The following PCDHA4 variants were observed in gnomAD, a reference collection of about 807,000 sequenced individuals.
PCDHA4 encodes the protein protocadherin alpha-4.
A neutral mutation model predicts 61.4 loss-of-function variants in PCDHA4; 49 were observed. That is an observed-to-expected ratio of 0.80 (90% CI 0.63 to 1.01). The LOEUF (loss-of-function observed/expected upper bound fraction) is 1.01. PCDHA4 is among the 50% of genes least tolerant of loss of function. The pLI is 0.00. For missense variants in PCDHA4, 1,254 were observed against 1,235.8 expected, an observed-to-expected ratio of 1.01 and a Z score of -0.22; for synonymous variants, 590 against 550.3, an observed-to-expected ratio of 1.07 and a Z score of -1.01.
intron 1 of PCDHA4, chr5:140,823,840 G>A (rs17844298): frequency 3.1e-6 from 5 of 1,613,722 alleles, no homozygotes; most frequent in South Asian, 2.2e-5. Flanking sequence ...TGTGGGTCCC[G>A]AGGCTGCCCT....
chr5:140,822,298 G>A (rs782270445), intron 1 of PCDHA4: 4 of 1,614,222 alleles, frequency 2.5e-6, no homozygotes, highest in Non-Finnish European at 3.4e-6. Flanking sequence ...AAATCCAAAC[G>A]AATATTTTGA....
chr5:140,870,358 G>A (rs201159213), intron 1 of PCDHA4: 4 of 1,614,098 alleles, frequency 2.5e-6, no homozygotes, highest in Non-Finnish European at 3.4e-6. Context: ...GAACGTGTGG[G>A]CCTATGAACT....
intron 1 of PCDHA4, chr5:140,854,630 AG>A (rs1201731604): frequency 6.7e-6 from 1 of 150,240 alleles, no homozygotes; most frequent in African/African-American, 2.4e-5. Flanking sequence ...TCTTTAGAAA[AG>A]TCAAAACATC....
chr5:140,926,842 G>A (rs1388239431), intron 1 of PCDHA4: 1 of 1,514,684 alleles, frequency 6.6e-7, no homozygotes, highest in Non-Finnish European at 8.8e-7. Flanking sequence ...GCATGGTCCT[G>A]GGTCACCGTT....
intron 1 of PCDHA4, chr5:140,929,668 A>G (rs1554207270): frequency 3.1e-6 from 1 of 324,518 alleles, no homozygotes; most frequent in East Asian, 5.3e-5. Flanking sequence ...AAAGTGAAGA[A>G]TGAAAAATAT....
intron 1 of PCDHA4, chr5:140,850,293 G>C (rs2150478191): frequency 6.3e-7 from 1 of 1,596,282 alleles, no homozygotes; most frequent in Non-Finnish European, 8.6e-7. Flanking sequence ...AGTGGACGCC[G>C]ACTCGGGCTA....
chr5:140,852,043 A>G, intron 1 of PCDHA4: 1 of 921,642 alleles, frequency 1.1e-6, no homozygotes, highest in Non-Finnish European at 1.3e-6. Flanking sequence ...AGTTTTTGTT[A>G]TGTGGTTTAT....
rs527413028 is a variant in PCDHA4, at chr5:140,920,520, G to A, written c.2386-58429G>A. Among the ~76,000 whole-genome samples, 10 of 152,176 alleles carry A rather than the reference G, an allele frequency of 6.6e-5. No homozygotes were observed. In the South Asian group the frequency reaches 1.7e-3, roughly 25 times the overall value. ...TTCTACATACTGTTTTATGCAATTCGTTAGACTCAGGTTTTCTATTTCACC... is the reference window on the plus strand; with the variant it reads ...TTCTACATACTGTTTTATGCAATTCATTAGACTCAGGTTTTCTATTTCACC... On this transcript the variant is annotated intron_variant, in intron 1 of 3. Transcript: ENST00000530339.
Position 140,857,655 on chromosome 5 carries a change from C to G in PCDHA4, c.2385+48083C>G, listed in dbSNP as rs782490979. 3.1e-6 allele frequency: 5 copies of G among 1,596,614 alleles called. No homozygotes were observed. The Admixed American group carries it at 6.7e-5, about 22-fold the overall frequency. ...GAGCTGCTACAGTTCCAGGTGAGCG[C>G]GCGCGATGGGGGCGTGCCGCCTCTG... On this transcript the variant is annotated intron_variant, in intron 1 of 3. Transcript: ENST00000530339.
intron 1 of PCDHA4, among the ~76,000 whole-genome samples, chr5:140,971,045 T>G (rs2096453995): frequency 6.6e-6 from 1 of 152,090 alleles, no homozygotes; most frequent in Non-Finnish European, 1.5e-5. Context: ...CGTAAAAGGG[T>G]TTAGCTTTAA....
chr5:140,977,762 C>T (rs996806241), intron 1 of PCDHA4, among the ~76,000 whole-genome samples: 6 of 152,124 alleles, frequency 3.9e-5, no homozygotes, highest in Non-Finnish European at 5.9e-5. Context: ...TTATTAAATA[C>T]TTTGCATCCC....
chr5:140,926,054 T>C (rs1018660828), intron 1 of PCDHA4, among the ~76,000 whole-genome samples: 1 of 152,182 alleles, frequency 6.6e-6, no homozygotes, highest in Non-Finnish European at 1.5e-5. Flanking sequence ...CCCAACCTTC[T>C]TCCCCTCCTT....
intron 1 of PCDHA4, chr5:140,876,174 T>A: frequency 6.2e-7 from 1 of 1,613,934 alleles, no homozygotes; most frequent in Non-Finnish European, 8.5e-7. Context: ...CCGTCCTGGA[T>A]GTGAATGACA....
At chr5:140,970,135 G>C (rs1317802980) in intron 1 of PCDHA4, among the ~76,000 whole-genome samples, 1 of 152,016 alleles carries the variant, frequency 6.6e-6, no homozygotes, top group Non-Finnish European at 1.5e-5. Context: ...GAAGAGAAGG[G>C]AAAAAGAATT....
At chr5:140,981,748 G>C (rs975887463) in intron 2 of PCDHA4, among the ~76,000 whole-genome samples, 28 of 151,686 alleles carry the variant, frequency 1.8e-4, no homozygotes, top group African/African-American at 6.8e-4. Context: ...ATATGAGTTA[G>C]TATTAGACAT....
At chr5:140,890,707 T>A (rs1217575075) in intron 1 of PCDHA4, among the ~76,000 whole-genome samples, 1 of 152,206 alleles carries the variant, frequency 6.6e-6, no homozygotes, top group African/African-American at 2.4e-5. Context: ...CTTACATTTT[T>A]AAAATCTTTT....
In PCDHA4 at chr5:140,937,565, T is replaced by C. The variant is rs528061401; in HGVS notation, c.2386-41384T>C. ...CTGCGAGGCAGAGGTTGCAGTGAGC[T>C]GGGATCGCGTCACTGCACTCTAGCC... On this transcript the variant is annotated intron_variant, in intron 1 of 3. Transcript: ENST00000530339. Among the ~76,000 whole-genome samples the C allele has an allele frequency of 1.9e-3, 290 of 151,276 alleles. 1 individual carries two copies. The highest frequency in any genetic ancestry group is 6.8e-3 in the African/African-American group (279 of 40,958).
rs1314333890 is a variant in PCDHA4, at chr5:141,000,908, T to TA, written c.2534-8708dup. ...GGGCAACAGATATAGACGCTGTCTCTAAAAAAAAAAATCCTGTGTGATTTA... is the reference window on the plus strand; with the variant it reads ...GGGCAACAGATATAGACGCTGTCTCTAAAAAAAAAAAATCCTGTGTGATTTA... On this transcript the variant is annotated intron_variant, in intron 3 of 3. Coordinates refer to ENST00000530339, the MANE Select transcript of PCDHA4 (RefSeq NM_018907.4). Among the ~76,000 whole-genome samples the TA allele has an allele frequency of 4.2e-4, 62 of 147,094 alleles. 1 individual carries two copies. Among genetic ancestry groups the TA allele is most frequent in the South Asian group, 3.0e-3 (14 of 4,626 alleles).
chr5:140,848,575 G>A lies in PCDHA4; in HGVS notation c.2385+39003G>A, dbSNP rs1554142211. 6 of 1,595,558 alleles carry A rather than the reference G, an allele frequency of 3.8e-6. 1 individual carries two copies. In the East Asian group the frequency reaches 1.3e-4, roughly 36 times the overall value. ...CTGATCCTCGCAATGTGGGTGGTGG[G>A]GAGCGGCCAGCTCCACTACTCCGTC... On this transcript the variant is annotated intron_variant, in intron 1 of 3. Coordinates refer to ENST00000530339, the MANE Select transcript of PCDHA4 (RefSeq NM_018907.4).
Sources: allele counts gnomAD v4.1 joint callset (sites outside exome capture counted in the v4.1 genomes callset), GRCh38; gene constraint gnomAD v4.1.1; transcripts MANE v1.5; gene names NCBI Gene and HGNC (gene_info 2026-07-23, HGNC 2026-07-21).